Variants in PSD2 observed in about 807,000 individuals in gnomAD.
The protein encoded by PSD2 is PH and SEC7 domain-containing protein 2.
In PSD2, 38 loss-of-function variants were observed where a neutral mutation model predicts 69.8. The ratio of observed to expected loss-of-function variants is 0.54; its 90% CI spans 0.42 to 0.71. The LOEUF (loss-of-function observed/expected upper bound fraction) is 0.71. PSD2 is among the 30% of genes least tolerant of loss of function. The pLI, the probability that PSD2 is intolerant of heterozygous loss-of-function variation, is 0.00. For synonymous variants in PSD2, 412 were observed against 423.0 expected (o/e 0.97, Z 0.32); for missense variants, 943 against 1,014.5 (o/e 0.93, Z 0.96).
At chr5:139,783,943 C>CTTTTTTTTTTTTTT in the PSD2 span, among the ~76,000 whole-genome samples, 50 of 87,882 alleles carry the variant, frequency 5.7e-4, no homozygotes, top group Admixed American at 1.1e-3. Flanking sequence ...TCTGCTAGCT[C>CTTTTTTTTTTTTTT]TTTTTTTTTT....
the PSD2 span, among the ~76,000 whole-genome samples, chr5:139,766,946 T>C: frequency 7.9e-6 from 1 of 126,326 alleles, no homozygotes; most frequent in Non-Finnish European, 1.7e-5. Flanking sequence ...TCTTTCTTTC[T>C]TTCTTTCTTT....
chr5:139,815,022 G>C (rs1760084676), intron 4 of PSD2, among the ~76,000 whole-genome samples: 1 of 152,010 alleles, frequency 6.6e-6, no homozygotes, highest in Non-Finnish European at 1.5e-5. Flanking sequence ...CCGCATTAAG[G>C]CTCTGAGCTG....
Position 139,807,481 on chromosome 5 carries a change from G to T in PSD2, c.-50-1910G>T, listed in dbSNP as rs139413398. Among the ~76,000 whole-genome samples the T allele has an allele frequency of 1.5e-3, 223 of 151,952 alleles. 1 individual carries two copies. Among genetic ancestry groups the T allele is most frequent in the African/African-American group, 5.2e-3 (214 of 41,424 alleles). The stretch of plus-strand genomic sequence containing the variant: ...GCAGGGATTTAGGGCAGACCAGAAA[G>T]AATTCCTCACTCAGTGCTCAACCTC... On this transcript the variant is annotated intron_variant, in intron 1 of 14. Transcript: ENST00000274710.
At chr5:139,762,030 AATTTTT>A in the PSD2 span, among the ~76,000 whole-genome samples, 1 of 152,090 alleles carries the variant, frequency 6.6e-6, no homozygotes, top group Non-Finnish European at 1.5e-5. Flanking sequence ...AGCATTCAAT[AATTTTT>A]ATTTTTATTT....
chr5:139,781,773 A>G, the PSD2 span, among the ~76,000 whole-genome samples: 9 of 152,014 alleles, frequency 5.9e-5, no homozygotes, highest in South Asian at 1.5e-3. Flanking sequence ...AACTGGGATT[A>G]CAGGCACATG....
rs1410474239 is a variant in PSD2, at chr5:139,839,517, C to T, written c.1969-510C>T. ...TGGCCTGTAGTGGGTGGGATGTGTG[C>T]GTTTGCCCATCAGCGACAGTGTCTC... On this transcript the variant is annotated intron_variant, in intron 13 of 14. Coordinates refer to ENST00000274710, the MANE Select transcript of PSD2 (RefSeq NM_032289.4). This position sits in a 1 kb window ranked among gnomAD's most constrained non-coding sequence, Gnocchi z 5.1. 1.3e-5 allele frequency among the ~76,000 whole-genome samples: 2 copies of T among 152,288 alleles called. No homozygotes were observed. Among genetic ancestry groups the T allele is most frequent in the African/African-American group, 2.4e-5 (1 of 41,570 alleles).
At chr5:139,798,382 C>CCTGGCCTGGG (rs1759586156) in intron 1 of PSD2, among the ~76,000 whole-genome samples, 1 of 152,186 alleles carries the variant, frequency 6.6e-6, no homozygotes, top group African/African-American at 2.4e-5. Context: ...GCTGTGCCTG[C>CCTGGCCTGGG]CTGGCCTGGG....
chr5:139,841,446 T>C (rs1187700988), intron 14 of PSD2, among the ~76,000 whole-genome samples: 1 of 152,266 alleles, frequency 6.6e-6, no homozygotes, highest in Non-Finnish European at 1.5e-5. Flanking sequence ...TTCCATCTTT[T>C]GGCTATTATG....
At position 139,814,450 on chromosome 5, in the gene PSD2, G is replaced by T; in HGVS notation, c.1016+86G>T. 4 of 1,262,774 alleles carry T rather than the reference G, an allele frequency of 3.2e-6. No homozygotes were observed. Among genetic ancestry groups the T allele is most frequent in the Middle Eastern group, 2.8e-4 (1 of 3,578 alleles). The allele number at this position is 1,262,774 out of a possible 1,614,324, so 78.2% of individuals were successfully genotyped here. A position where few individuals can be genotyped will look rare whatever the true frequency, so the allele number is the denominator to read the frequency against. On this transcript the variant is annotated intron_variant, in intron 4 of 14. Transcript: ENST00000274710. The surrounding 1 kb of genome is among the most constrained non-coding windows in gnomAD (Gnocchi z 4.4). ...GAGGGTGTGGGTGACCTTCTTCAGG[G>T]GTGCCAGGTGCTGGGGGGGCACTCC... is the stretch of plus-strand genomic sequence containing the variant.
the PSD2 span, among the ~76,000 whole-genome samples, chr5:139,766,889 T>C: frequency 1.7e-4 from 25 of 149,068 alleles, no homozygotes; most frequent in East Asian, 6.0e-4. Context: ...CTTTCTTTCC[T>C]TCTTTCCCTC....
At chr5:139,825,712 T>A (rs1299848778) in intron 7 of PSD2, among the ~76,000 whole-genome samples, 1 of 151,836 alleles carries the variant, frequency 6.6e-6, no homozygotes, top group Non-Finnish European at 1.5e-5. Flanking sequence ...AGAGGGGGAC[T>A]TGAGTCCCGA....
chr5:139,783,121 T>C, the PSD2 span, among the ~76,000 whole-genome samples: 1 of 152,086 alleles, frequency 6.6e-6, no homozygotes, highest in African/African-American at 2.4e-5. Flanking sequence ...TGTGTCTGAG[T>C]TATTTCACTT....
the PSD2 span, among the ~76,000 whole-genome samples, chr5:139,747,453 G>T: frequency 6.6e-6 from 1 of 152,218 alleles, no homozygotes; most frequent in African/African-American, 2.4e-5. This position sits in a 1 kb window ranked among gnomAD's most constrained non-coding sequence, Gnocchi z 6.7. Flanking sequence ...GGAGGTGACC[G>T]GGCGGGGGCT....
At chr5:139,744,468 C>G in the PSD2 span, among the ~76,000 whole-genome samples, 4 of 152,140 alleles carry the variant, frequency 2.6e-5, no homozygotes, top group African/African-American at 9.7e-5. Flanking sequence ...TTGGCTAGCT[C>G]CCCCCATGCC....
At chr5:139,789,846 G>GA in the PSD2 span, among the ~76,000 whole-genome samples, 1 of 152,046 alleles carries the variant, frequency 6.6e-6, no homozygotes, top group South Asian at 2.1e-4. Context: ...AGAAGGCGGG[G>GA]AAATGGGAGA....
chr5:139,795,369 T>C (rs909401122), upstream of PSD2, among the ~76,000 whole-genome samples: 4 of 151,480 alleles, frequency 2.6e-5, no homozygotes, highest in Non-Finnish European at 5.9e-5. This position sits in a 1 kb window ranked among gnomAD's most constrained non-coding sequence, Gnocchi z 4.5. Context: ...GGGGCAGGGG[T>C]CACTCCCTGA....
At chr5:139,820,220 G>A (rs1221328349) in intron 5 of PSD2, among the ~76,000 whole-genome samples, 1 of 152,160 alleles carries the variant, frequency 6.6e-6, no homozygotes, top group African/African-American at 2.4e-5. Flanking sequence ...GTCCAGGGAA[G>A]GGGAGTTTGG....
the PSD2 span, among the ~76,000 whole-genome samples, chr5:139,765,257 C>CT: frequency 2.0e-5 from 3 of 152,156 alleles, no homozygotes; most frequent in African/African-American, 7.2e-5. Context: ...CCCCCAGTGC[C>CT]TACGCAGTGG....
At chr5:139,794,490 A>T (rs1759473066), upstream of PSD2, among the ~76,000 whole-genome samples, 1 of 152,104 alleles carries the variant, frequency 6.6e-6, no homozygotes, top group Non-Finnish European at 1.5e-5. Context: ...CCTGCTCCCT[A>T]AGAAGAGTCC....
Sources: gnomAD v4.1 joint callset for allele counts (sites outside exome capture counted in the v4.1 genomes callset) on GRCh38, gnomAD v4.1.1 for gene constraint, Gnocchi (gnomAD v3.1) non-coding constraint, MANE v1.5 for transcripts, NCBI Gene and HGNC (gene_info 2026-07-23, HGNC 2026-07-21) for gene names.